Variants in SLC20A2 observed in about 807,000 individuals in gnomAD.
SLC20A2 encodes solute carrier family 20 member 2.
SLC20A2 carries 30 observed loss-of-function variants against 61.0 expected under a neutral mutation model. The ratio of observed to expected loss-of-function variants is 0.49; its 90% CI spans 0.37 to 0.67. The LOEUF is 0.67. Among genes scored for constraint, SLC20A2 ranks in the 30% least tolerant of loss-of-function variants. SLC20A2 has a pLI of 0.00. For missense variants in SLC20A2, 626 were observed against 866.4 expected (o/e 0.72, Z 3.48); for synonymous variants, 351 against 353.3 (o/e 0.99, Z 0.07).
At chr8:42,507,318 CACAT>C (rs1810768057) in intron 1 of SLC20A2, among the ~76,000 whole-genome samples, 1 of 151,238 alleles carries the variant, frequency 6.6e-6, no homozygotes, top group Non-Finnish European at 1.5e-5. Flanking sequence ...GGACTCAGTT[CACAT>C]ACATACAAAC....
At chr8:42,454,293 C>T (rs1009083540) in intron 5 of SLC20A2, among the ~76,000 whole-genome samples, 8 of 152,200 alleles carry the variant, frequency 5.3e-5, no homozygotes. Flanking sequence ...TGAGCCACCG[C>T]GCCCGGCCGA....
intron 5 of SLC20A2, among the ~76,000 whole-genome samples, chr8:42,451,573 T>G (rs1375469622): frequency 1.3e-4 from 11 of 84,038 alleles, no homozygotes; most frequent in East Asian, 3.7e-4. Context: ...GAGGAAGAGA[T>G]GAAGAGGAAG....
chr8:42,470,053 G>A (rs1807504230), intron 2 of SLC20A2, among the ~76,000 whole-genome samples: 1 of 151,804 alleles, frequency 6.6e-6, no homozygotes, highest in African/African-American at 2.4e-5. Flanking sequence ...TTAAATCTTA[G>A]ATATCTATCA....
intron 10 of SLC20A2, among the ~76,000 whole-genome samples, chr8:42,419,362 G>A (rs1563432531): frequency 6.6e-6 from 1 of 151,918 alleles, no homozygotes; most frequent in Non-Finnish European, 1.5e-5. Flanking sequence ...CTGAGGTCAG[G>A]AGTTCGAGAC....
upstream of SLC20A2, among the ~76,000 whole-genome samples, chr8:42,505,101 C>T (rs977293443): frequency 7.3e-5 from 3 of 41,028 alleles, no homozygotes; most frequent in African/African-American, 1.4e-4. Flanking sequence ...ACGCAATACC[C>T]CCCCAACCTT....
intron 8 of SLC20A2, among the ~76,000 whole-genome samples, chr8:42,431,907 A>T (rs1174934552): frequency 6.6e-6 from 1 of 152,218 alleles, no homozygotes; most frequent in African/African-American, 2.4e-5. Flanking sequence ...TAATATTTCA[A>T]AATATTACTG....
chr8:42,487,176 CTTTTTTT>C (rs553949254), intron 1 of SLC20A2, among the ~76,000 whole-genome samples: 1 of 98,082 alleles, frequency 1.0e-5, no homozygotes, highest in Non-Finnish European at 2.0e-5. Context: ...TGGTTTCTTT[CTTTTTTT>C]TTTTTTTTTT....
In SLC20A2 at chr8:42,529,953, T is replaced by C. The variant is rs899854493; in HGVS notation, c.-265+11868A>G. Among the ~76,000 whole-genome samples the C allele has an allele frequency of 2.0e-5, 3 of 152,252 alleles. No individual in the cohort carries two copies. In the South Asian group the frequency reaches 6.2e-4, roughly 31 times the overall value. On this transcript the variant is annotated intron_variant, in intron 1 of 10. Transcript: ENST00000342228. ...AGAAACTTTAGATACAGTATATATT[T>C]TGATCTTTATCAAAATCCTGGGCTG... is the stretch of plus-strand genomic sequence containing the variant.
chr8:42,532,943 A>G (rs2131441351), intron 1 of SLC20A2, among the ~76,000 whole-genome samples: 1 of 152,302 alleles, frequency 6.6e-6, no homozygotes, highest in Admixed American at 6.5e-5. Context: ...TGAATCATGG[A>G]GAAGGGAGGG....
chr8:42,459,160 T>C (rs555839912), intron 5 of SLC20A2, among the ~76,000 whole-genome samples: 6 of 131,160 alleles, frequency 4.6e-5, no homozygotes, highest in Non-Finnish European at 9.3e-5. Context: ...CGCTTGAACC[T>C]GGGAGGCGGA....
intron 2 of SLC20A2, 91 bp from the exon 3 acceptor site, chr8:42,466,008 C>T: frequency 3.5e-6 from 4 of 1,141,372 alleles, no homozygotes; most frequent in Non-Finnish European, 4.8e-6. Context: ...ATAACAACAT[C>T]TCCCAGAGTT....
intron 1 of SLC20A2, among the ~76,000 whole-genome samples, chr8:42,477,522 G>A (rs534265377): frequency 2.9e-5 from 4 of 137,824 alleles, no homozygotes; most frequent in South Asian, 2.4e-4. Context: ...CCAGGCTGGA[G>A]TGCAGTGGCG....
Position 42,437,024 on chromosome 8 carries a change from A to G in SLC20A2, c.1488T>C (p.Cys496=). 1 of 1,612,050 alleles carries G rather than the reference A, an allele frequency of 6.2e-7. No homozygotes were observed. Among genetic ancestry groups the G allele is most frequent in the East Asian group, 2.2e-5 (1 of 44,858 alleles). ...TGCCGCCGTGAGCAAAGGACCCGAA[A>G]CAGGCGGTGAGGACCTGCAGGAAAT... ...LFHFLQVLTA[C]FGSFAHGGND... Residue 496 remains cysteine (C), a synonymous_variant, in exon 8 of 11, where the codon TGT becomes TGC. Transcript: ENST00000520262. The surrounding 1 kb of genome is among the most constrained non-coding windows in gnomAD (Gnocchi z 6.4).
chr8:42,456,507 C>T (rs28438864), intron 5 of SLC20A2, among the ~76,000 whole-genome samples: 6,837 of 152,042 alleles, frequency 0.045, 498 homozygotes, highest in African/African-American at 0.15. Context: ...CCAAGGCAGG[C>T]GGATCACGAG....
At chr8:42,426,901 C>T (rs1265815934) in intron 10 of SLC20A2, among the ~76,000 whole-genome samples, 1 of 152,130 alleles carries the variant, frequency 6.6e-6, no homozygotes, top group Non-Finnish European at 1.5e-5. Flanking sequence ...TAGTGACACG[C>T]GTCTCCTCCA....
At chr8:42,421,402 T>C (rs915295219) in intron 10 of SLC20A2, among the ~76,000 whole-genome samples, 5 of 152,198 alleles carry the variant, frequency 3.3e-5, no homozygotes, top group African/African-American at 1.2e-4. Flanking sequence ...GCAGTTTTTT[T>C]CCCTCCCGTT....
chr8:42,464,283 C>CTTTT (rs1190927976), intron 3 of SLC20A2, among the ~76,000 whole-genome samples: 2 of 128,542 alleles, frequency 1.6e-5, no homozygotes, highest in Non-Finnish European at 3.4e-5. Flanking sequence ...AATTTTCTTT[C>CTTTT]TTTTTTTTTT....
intron 1 of SLC20A2, among the ~76,000 whole-genome samples, chr8:42,486,162 GTGTGTGTA>G (rs959375228): frequency 4.0e-5 from 6 of 149,090 alleles, no homozygotes; most frequent in African/African-American, 1.3e-4. Context: ...GTGTGTGTGT[GTGTGTGTA>G]TGTGTGGACT....
At chr8:42,443,378 G>A (rs1236396460) in intron 6 of SLC20A2, among the ~76,000 whole-genome samples, 2 of 146,274 alleles carry the variant, frequency 1.4e-5, no homozygotes, top group South Asian at 2.2e-4. Context: ...GCAGTGGCAC[G>A]ATCTTGGCTC....
Sources: allele counts gnomAD v4.1 joint callset (sites outside exome capture counted in the v4.1 genomes callset), GRCh38; gene constraint gnomAD v4.1.1; non-coding constraint Gnocchi (gnomAD v3.1); transcripts MANE v1.5; gene names NCBI Gene and HGNC (gene_info 2026-07-23, HGNC 2026-07-21).